The following ALDH1A1 variants were observed in gnomAD, a reference collection of about 807,000 sequenced individuals.
ALDH1A1 encodes the protein aldehyde dehydrogenase 1 family member A1.
ALDH1A1 carries 19 observed loss-of-function variants against 62.1 expected under a neutral mutation model. The ratio of observed to expected loss-of-function variants is 0.31; its 90% confidence interval spans 0.21 to 0.45. The LOEUF (loss-of-function observed/expected upper bound fraction) is 0.45. Ranked by LOEUF, ALDH1A1 falls within the 20% of genes least tolerant of loss-of-function variation. The pLI, the probability that ALDH1A1 is intolerant of heterozygous loss-of-function variation, is 1.00. For missense variants in ALDH1A1, 521 were observed against 607.1 expected, an observed-to-expected ratio of 0.86 and a Z score of 1.49; for synonymous variants, 231 against 215.9, an observed-to-expected ratio of 1.07 and a Z score of -0.61.
chr9:72,936,210 A>G (rs1463410441), intron 2 of ALDH1A1, among the ~76,000 whole-genome samples: 3 of 152,174 alleles, frequency 2.0e-5, no homozygotes, highest in Non-Finnish European at 4.4e-5. Flanking sequence ...GTCTTCCAGT[A>G]TGATCATTAG....
At chr9:72,906,176 A>G in intron 11 of ALDH1A1, 144 bp from the exon 12 acceptor site, 1 of 584,060 alleles carries the variant, frequency 1.7e-6, no homozygotes, top group Non-Finnish European at 3.0e-6. Context: ...AAAAAGTAGC[A>G]CTATAAATTA....
intron 11 of ALDH1A1, among the ~76,000 whole-genome samples, chr9:72,908,552 G>GAAGAAAGA (rs141763068): frequency 4.6e-4 from 42 of 91,874 alleles, no homozygotes; most frequent in African/African-American, 1.0e-3. Flanking sequence ...AGAAAAGAAA[G>GAAGAAAGA]AAGAAAGAAA....
At chr9:72,926,240 A>G (rs1019793388) in intron 5 of ALDH1A1, among the ~76,000 whole-genome samples, 20 of 152,208 alleles carry the variant, frequency 1.3e-4, no homozygotes, top group African/African-American at 4.1e-4. Flanking sequence ...GCTCAACACA[A>G]TGACTGGTCT....
At position 72,917,132 on chromosome 9, in the gene ALDH1A1, T is replaced by C. The variant is rs192586760; in HGVS notation, c.851-28A>G. 4.1e-3 allele frequency: 5,670 copies of C among 1,385,346 alleles called. 21 individuals carry two copies. The highest frequency in any genetic ancestry group is 0.011 in the Middle Eastern group (49 of 4,492). 85.8% of individuals were successfully genotyped at this position (1,385,346 alleles called of 1,614,324 possible). A position where few individuals can be genotyped will look rare whatever the true frequency, so the allele number is the denominator to read the frequency against. On this transcript the variant is annotated intron_variant, in intron 8 of 12. Transcript: ENST00000297785. Reference sequence around the variant, plus strand: ...GCGAAGAAGACATTCACATTAAAGATATATTTTATAAAAATTATATATTTT... The same window carrying C: ...GCGAAGAAGACATTCACATTAAAGACATATTTTATAAAAATTATATATTTT...
chr9:72,915,628 T>C (rs1830052938), intron 9 of ALDH1A1, among the ~76,000 whole-genome samples: 1 of 152,120 alleles, frequency 6.6e-6, no homozygotes, highest in Admixed American at 6.6e-5. Context: ...TAAAACAAAG[T>C]ATTACCTCAC....
At chr9:72,952,357 C>T (rs555957408) in intron 1 of ALDH1A1, among the ~76,000 whole-genome samples, 1 of 152,086 alleles carries the variant, frequency 6.6e-6, no homozygotes, top group Admixed American at 6.6e-5. Context: ...TACACATCTG[C>T]TCCAATGGCA....
chr9:72,927,139 C>A lies in ALDH1A1; in HGVS notation c.481G>T (p.Gly161Cys). The A allele has an allele frequency of 6.2e-7, 1 of 1,607,426 alleles. No individual in the cohort carries two copies. The highest frequency in any genetic ancestry group is 8.5e-7 in the Non-Finnish European group (1 of 1,176,602). Residue 161 changes from glycine to cysteine, a missense_variant, in exon 5 of 13, where the codon GGT becomes TGT. Transcript: ENST00000297785. ...ACAGGAATGATTTGGCCACATACAC[C>A]AATAGGTTCATGTCTTGTATATGTA... The part of the protein sequence containing the change: ...FFTYTRHEPI[G>C]VCGQIIPWNF...
intron 11 of ALDH1A1, among the ~76,000 whole-genome samples, chr9:72,909,154 G>GT (rs1564623273): frequency 1.1e-5 from 1 of 87,754 alleles, no homozygotes; most frequent in African/African-American, 3.7e-5. Flanking sequence ...TTCCAATACA[G>GT]CTTTTTTTTT....
Position 72,952,992 on chromosome 9 carries a change from G to A in ALDH1A1, c.9C>T (p.Ser3=), listed in dbSNP as rs770312696. MS[S]SGTPDLPVLL... is the part of the protein sequence containing the mutation. ...GGACAGGTAAGTCTGGCGTGCCTGA[G>A]GATGACATTTCTGATTCGGCTCCTG... Residue 3 remains serine, a synonymous_variant, in exon 1 of 13, where the codon TCC becomes TCT. Coordinates refer to ENST00000297785, the MANE Select transcript of ALDH1A1 (RefSeq NM_000689.5). 2.5e-6 allele frequency: 4 copies of A among 1,613,008 alleles called. No individual in the cohort carries two copies. The highest frequency in any genetic ancestry group is 1.1e-5 in the South Asian group (1 of 91,052).
intron 5 of ALDH1A1, among the ~76,000 whole-genome samples, 199 bp from the exon 6 acceptor site, chr9:72,925,811 A>G (rs781178553): frequency 4.6e-5 from 7 of 152,138 alleles, no homozygotes; most frequent in Non-Finnish European, 7.4e-5. Flanking sequence ...ATGAGATATG[A>G]GAAGGAAATA....
intron 2 of ALDH1A1, among the ~76,000 whole-genome samples, chr9:72,939,161 C>T (rs1830383457): frequency 6.6e-6 from 1 of 152,132 alleles, no homozygotes; most frequent in Admixed American, 6.5e-5. Flanking sequence ...GCAATGTCAC[C>T]TTGAGTAAAT....
At chr9:72,911,235 A>G (rs548965138) in intron 10 of ALDH1A1, among the ~76,000 whole-genome samples, 38 of 152,292 alleles carry the variant, frequency 2.5e-4, no homozygotes, top group Admixed American at 1.9e-3. Flanking sequence ...CTAAGAGCAC[A>G]TAGAAGGTAG....
chr9:72,929,122 A>T (rs2288087), intron 3 of ALDH1A1, 101 bp from the exon 4 acceptor site: 649,838 of 1,320,226 alleles, frequency 0.49, 163,726 homozygotes, highest in Non-Finnish European at 0.51. Flanking sequence ...AATTTTTGAA[A>T]TAGAAGAAAT....
rs754607421 is a variant in ALDH1A1, at chr9:72,940,216, C to T, written c.103G>A (p.Gly35Ser). Residue 35 changes from glycine to serine, a missense_variant, in exon 2 of 13, where the codon GGC (glycine) becomes AGC (serine). Gly to Ser is a moderately conservative substitution (Grantham distance 56). Transcript: ENST00000297785. ...GGATTAAAGACAGGAAATTTCTTGC[C>T]ACTCACTGAATCATGCCATTCATTG... ...INNEWHDSVS[G>S]KKFPVFNPAT... The T allele has an allele frequency of 1.2e-6, 2 of 1,613,728 alleles. No homozygotes were observed. Among genetic ancestry groups the T allele is most frequent in the Non-Finnish European group, 8.5e-7 (1 of 1,179,758 alleles).
chr9:72,920,721 A>T (rs939938579), intron 7 of ALDH1A1, among the ~76,000 whole-genome samples: 1 of 152,232 alleles, frequency 6.6e-6, no homozygotes, highest in Non-Finnish European at 1.5e-5. Flanking sequence ...GTCAAAACAA[A>T]GAGACATTAA....
At position 72,929,061 on chromosome 9, in the gene ALDH1A1, G is replaced by C. The variant is rs750555421; in HGVS notation, c.313-40C>G. On this transcript the variant is annotated intron_variant, in intron 3 of 12. Transcript: ENST00000297785. ...AAACACCAAATCTAAAATTCCATAA[G>C]TTTTAGATTAAAAATATGTAGTAAA... 3.6e-6 allele frequency: 5 copies of C among 1,400,436 alleles called. No homozygotes were observed. The South Asian group carries it at 6.5e-5, about 18-fold the overall frequency. The allele number at this position is 1,400,436 out of a possible 1,614,324, so 86.8% of individuals were successfully genotyped here. A position where few individuals can be genotyped will look rare whatever the true frequency, so the allele number is the denominator to read the frequency against.
intron 9 of ALDH1A1, among the ~76,000 whole-genome samples, chr9:72,915,905 C>T (rs1234665152): frequency 6.6e-6 from 1 of 152,094 alleles, no homozygotes; most frequent in East Asian, 1.9e-4. Flanking sequence ...TCAAGAATAG[C>T]GTTTGGTTTC....
chr9:72,907,257 C>A (rs796404025), intron 11 of ALDH1A1, among the ~76,000 whole-genome samples: 23 of 152,204 alleles, frequency 1.5e-4, no homozygotes, highest in African/African-American at 5.5e-4. Flanking sequence ...CTTTAAATTG[C>A]AAAATCAAAT....
intron 5 of ALDH1A1, 66 bp from the exon 6 acceptor site, chr9:72,925,678 C>T (rs910641935): frequency 6.5e-7 from 1 of 1,529,912 alleles, no homozygotes; most frequent in Non-Finnish European, 8.9e-7. Flanking sequence ...ATCCAACTTC[C>T]ATATTATACA....
Sources: allele counts gnomAD v4.1 joint callset (sites outside exome capture counted in the v4.1 genomes callset), GRCh38; gene constraint gnomAD v4.1.1; transcripts MANE v1.5; gene names NCBI Gene and HGNC (gene_info 2026-07-23, HGNC 2026-07-21).